The following PROSER1 variants were observed in gnomAD, a reference collection of about 807,000 sequenced individuals.
The protein encoded by PROSER1 is proline and serine-rich protein 1.
Under a neutral mutation model 71.8 loss-of-function variants are expected in PROSER1, and 36 were observed. The ratio of observed to expected loss-of-function variants is 0.50; its 90% CI spans 0.38 to 0.66. The LOEUF is 0.66. Ranked by LOEUF, PROSER1 falls within the 30% of genes least tolerant of loss-of-function variation. The pLI is 0.00. For synonymous variants in PROSER1, 490 were observed against 452.4 expected (o/e 1.08, Z -1.06); for missense variants, 1,107 against 1,135.0 (o/e 0.98, Z 0.35).
chr13:39,032,474 A>T (rs1870893113), intron 2 of PROSER1, among the ~76,000 whole-genome samples: 1 of 152,238 alleles, frequency 6.6e-6, no homozygotes, highest in Admixed American at 6.5e-5. Context: ...AAAAGGGGAA[A>T]AAAGTGATAC....
chr13:39,024,233 T>G (rs980003627), intron 7 of PROSER1, among the ~76,000 whole-genome samples: 3 of 152,098 alleles, frequency 2.0e-5, no homozygotes, highest in Non-Finnish European at 4.4e-5. Context: ...TGAATGCATC[T>G]CGAGAAAAAA....
chr13:39,032,984 G>A (rs143091703), intron 2 of PROSER1, among the ~76,000 whole-genome samples: 113 of 151,358 alleles, frequency 7.5e-4, no homozygotes, highest in Non-Finnish European at 1.3e-3. Context: ...GCAATGGCGC[G>A]ATCTTGGCTC....
intron 10 of PROSER1, among the ~76,000 whole-genome samples, chr13:39,016,266 G>C (rs1013549286): frequency 9.9e-5 from 15 of 152,158 alleles, no homozygotes; most frequent in Non-Finnish European, 1.9e-4. Flanking sequence ...TGCTAAGTTA[G>C]GCCCATCATT....
At chr13:39,022,973 C>T in intron 8 of PROSER1, 79 bp downstream of exon 8, 1 of 1,239,798 alleles carries the variant, frequency 8.1e-7, no homozygotes, top group South Asian at 1.3e-5. Flanking sequence ...TTGCCAACCA[C>T]ATAGACCAGC....
rs1049179719 is a variant in PROSER1, at chr13:39,026,277, T to C, written c.480A>G (p.Pro160=). 2 of 1,593,394 alleles carry C rather than the reference T, an allele frequency of 1.3e-6. No individual in the cohort carries two copies. The highest frequency in any genetic ancestry group is 1.7e-6 in the Non-Finnish European group (2 of 1,162,356). The change falls in exon 6 of 13, where the codon CCA becomes CCG. Residue 160 remains proline, a splice_region_variant and synonymous_variant. Coordinates refer to ENST00000352251, the MANE Select transcript of PROSER1 (RefSeq NM_025138.5). ...GRPSRINGIF[P]GTPLKKDGEE... ...TATACAGCTACAGAAGTATGCTTAC[T>C]GGGAAAATTCCATTTATGCGGCTAG...
At chr13:39,031,211 C>T (rs1273007550) in intron 3 of PROSER1, among the ~76,000 whole-genome samples, 5 of 152,134 alleles carry the variant, frequency 3.3e-5, no homozygotes, top group Non-Finnish European at 4.4e-5. Context: ...TTTCCATCAT[C>T]GCTGAAAATT....
intron 2 of PROSER1, among the ~76,000 whole-genome samples, chr13:39,032,574 T>C (rs1870898055): frequency 6.6e-6 from 1 of 152,012 alleles, no homozygotes; most frequent in African/African-American, 2.4e-5. Context: ...GTAAAGAGAG[T>C]AAAAATAATT....
rs187958429 is a variant in PROSER1 at position 39,012,710 on chromosome 13, C to T, written c.2542G>A (p.Ala848Thr). 51 of 1,588,110 alleles carry T rather than the reference C, an allele frequency of 3.2e-5. 1 individual carries two copies. In the Admixed American group the frequency reaches 6.3e-4, roughly 20 times the overall value. ...ACATACCCGGCTTGTGCAACAAGAG[C>T]GGAGTTGAAATTGGAACTGAATGCT... ...ASAFSSNFNS[A>T]LVAQAGLSSG... Residue 848 changes from alanine (A) to threonine (T), a missense_variant, in exon 11 of 13, where the codon GCT becomes ACT. By Grantham distance (58) the Ala-to-Thr change is moderately conservative (BLOSUM62 0). Transcript: ENST00000352251.
intron 9 of PROSER1, among the ~76,000 whole-genome samples, chr13:39,020,623 T>C (rs1024079936): frequency 1.3e-5 from 2 of 152,160 alleles, no homozygotes; most frequent in Admixed American, 1.3e-4. Context: ...ATTAATTTTT[T>C]GTTAAAAAAC....
intron 9 of PROSER1, among the ~76,000 whole-genome samples, chr13:39,019,909 G>A (rs952451537): frequency 6.6e-6 from 1 of 151,032 alleles, no homozygotes; most frequent in Non-Finnish European, 1.5e-5. Context: ...AAAATCATAG[G>A]GGAAAAAAGT....
At chr13:39,017,600 T>C (rs144738525) in intron 9 of PROSER1, 56 bp from the exon 10 acceptor site, 10,045 of 907,776 alleles carry the variant, frequency 0.011, 72 homozygotes, top group Non-Finnish European at 0.014. Flanking sequence ...TTTGCCACCA[T>C]AATAAACAGA....
At chr13:39,030,930 C>T (rs1476767177) in intron 3 of PROSER1, among the ~76,000 whole-genome samples, 1 of 152,164 alleles carries the variant, frequency 6.6e-6, no homozygotes, top group Non-Finnish European at 1.5e-5. Flanking sequence ...CTTTCTTAGG[C>T]TCATCAGTTT....
intron 5 of PROSER1, among the ~76,000 whole-genome samples, chr13:39,028,011 A>G (rs934344465): frequency 6.6e-6 from 1 of 152,104 alleles, no homozygotes; most frequent in African/African-American, 2.4e-5. Context: ...TGAGTGGCCA[A>G]CTGACTTCTC....
intron 9 of PROSER1, among the ~76,000 whole-genome samples, chr13:39,021,423 GA>G (rs1174398838): frequency 1.3e-5 from 2 of 151,406 alleles, no homozygotes. Context: ...AAAGATCCTT[GA>G]AAAAAAAGTT....
At chr13:39,019,635 T>C (rs747891453) in intron 9 of PROSER1, among the ~76,000 whole-genome samples, 5 of 151,618 alleles carry the variant, frequency 3.3e-5, no homozygotes, top group Non-Finnish European at 7.4e-5. Flanking sequence ...ATTGGCGATA[T>C]TAGAGAAAAT....
At chr13:39,031,980 AAATATAC>A (rs976953192) in intron 2 of PROSER1, among the ~76,000 whole-genome samples, 3 of 152,214 alleles carry the variant, frequency 2.0e-5, no homozygotes, top group Non-Finnish European at 4.4e-5. Flanking sequence ...AAAGAAAGAA[AAATATAC>A]AATACAGAAA....
intron 9 of PROSER1, among the ~76,000 whole-genome samples, chr13:39,021,544 C>T (rs188866691): frequency 7.2e-4 from 110 of 152,208 alleles, no homozygotes; most frequent in Non-Finnish European, 1.2e-3. Context: ...CAGGCACCCC[C>T]TATCACAATA....
chr13:39,020,078 TAAAA>T (rs34446921), intron 9 of PROSER1, among the ~76,000 whole-genome samples: 2 of 137,614 alleles, frequency 1.5e-5, no homozygotes, highest in Non-Finnish European at 3.2e-5. Context: ...TCAAGAGACT[TAAAA>T]AAAAAAAAAA....
intron 7 of PROSER1, 176 bp from the exon 8 acceptor site, chr13:39,023,306 C>T (rs1870390135): frequency 7.5e-6 from 4 of 535,206 alleles, no homozygotes; most frequent in Middle Eastern, 3.4e-4. Context: ...AATGTGGTTG[C>T]TATTAAATTC....
Sources: gnomAD v4.1 joint callset for allele counts (sites outside exome capture counted in the v4.1 genomes callset) on GRCh38, gnomAD v4.1.1 for gene constraint, MANE v1.5 for transcripts, NCBI Gene and HGNC (gene_info 2026-07-23, HGNC 2026-07-21) for gene names.